The following COL19A1 variants were observed in gnomAD, a reference collection of about 807,000 sequenced individuals.
COL19A1 encodes the protein collagen type XIX alpha 1 chain.
Under a neutral mutation model 190.2 loss-of-function variants are expected in COL19A1, and 159 were observed. That is an observed-to-expected ratio of 0.84 (90% confidence interval 0.73 to 0.95). COL19A1 has a LOEUF of 0.95. Among genes scored for constraint, COL19A1 ranks in the 40% least tolerant of loss-of-function variants. The pLI, the probability that COL19A1 is intolerant of heterozygous loss-of-function variation, is 0.00. For missense variants in COL19A1, 1,418 were observed against 1,431.9 expected, an observed-to-expected ratio of 0.99 and a Z score of 0.16; for synonymous variants, 509 against 458.9, an observed-to-expected ratio of 1.11 and a Z score of -1.39.
intron 2 of COL19A1, among the ~76,000 whole-genome samples, chr6:69,888,734 C>T (rs1332303496): frequency 6.7e-6 from 1 of 149,700 alleles, no homozygotes; most frequent in South Asian, 2.1e-4. Context: ...GCTGAGATAG[C>T]GCCACTGCAC....
intron 22 of COL19A1, among the ~76,000 whole-genome samples, 197 bp from the exon 23 acceptor site, chr6:70,142,570 T>C (rs1786329620): frequency 6.6e-6 from 1 of 152,108 alleles, no homozygotes; most frequent in African/African-American, 2.4e-5. Flanking sequence ...AACACATAAA[T>C]TAAAAGTATC....
intron 7 of COL19A1, among the ~76,000 whole-genome samples, chr6:69,933,267 C>T (rs1772897158): frequency 6.6e-6 from 1 of 152,084 alleles, no homozygotes; most frequent in East Asian, 1.9e-4. Flanking sequence ...TCATCCTTAT[C>T]TTCCATTTTC....
intron 15 of COL19A1, 48 bp from the exon 16 acceptor site, chr6:70,102,121 A>G: frequency 7.2e-7 from 1 of 1,395,330 alleles, no homozygotes; most frequent in South Asian, 1.2e-5. Context: ...TGATATTAAA[A>G]TATAATGGAG....
intron 18 of COL19A1, chr6:70,131,240 C>T: frequency 8.3e-6 from 2 of 241,748 alleles, no homozygotes; most frequent in South Asian, 8.8e-5. Context: ...GGAATGTGGC[C>T]TGTGAGTGCT....
At chr6:70,165,261 C>A (rs1765077857) in intron 36 of COL19A1, among the ~76,000 whole-genome samples, 1 of 152,178 alleles carries the variant, frequency 6.6e-6, no homozygotes, top group African/African-American at 2.4e-5. Context: ...ATACATTTTT[C>A]AACTTTCAAC....
rs569671974 is a variant in COL19A1 at position 69,876,367 on chromosome 6, C to A, written c.-32-3169C>A. Among the ~76,000 whole-genome samples, 119 of 152,270 alleles carry A rather than the reference C, an allele frequency of 7.8e-4. 1 individual carries two copies. The highest frequency in any genetic ancestry group is 2.7e-3 in the African/African-American group (113 of 41,568). ...TAACAGGGACCAAAGCTTCGGTGAA[C>A]ATAAATTTCTAGGCTGCTTTGACAC... On this transcript the variant is annotated intron_variant, in intron 1 of 50. Transcript: ENST00000620364.
intron 16 of COL19A1, among the ~76,000 whole-genome samples, chr6:70,107,465 A>G (rs1435240510): frequency 5.9e-5 from 9 of 152,312 alleles, no homozygotes; most frequent in Non-Finnish European, 8.8e-5. Flanking sequence ...CACAGTGGCT[A>G]CAAGAGCCCA....
At chr6:70,057,299 C>G (rs1192217292) in intron 14 of COL19A1, among the ~76,000 whole-genome samples, 2 of 152,018 alleles carry the variant, frequency 1.3e-5, no homozygotes, top group Admixed American at 1.3e-4. Flanking sequence ...CAGACCATGA[C>G]CTACCAATTT....
intron 15 of COL19A1, among the ~76,000 whole-genome samples, chr6:70,088,876 A>C (rs1401994251): frequency 6.6e-6 from 1 of 152,166 alleles, no homozygotes; most frequent in Non-Finnish European, 1.5e-5. Context: ...CCTAAGTGGC[A>C]GTTGATTTCT....
intron 4 of COL19A1, among the ~76,000 whole-genome samples, chr6:69,925,548 A>G (rs1772315302): frequency 6.6e-6 from 1 of 152,182 alleles, no homozygotes; most frequent in African/African-American, 2.4e-5. Context: ...CTTTTGGCTT[A>G]GGATTGACTT....
At chr6:69,951,906 G>A (rs1416747891) in intron 9 of COL19A1, among the ~76,000 whole-genome samples, 2 of 151,850 alleles carry the variant, frequency 1.3e-5, no homozygotes, top group African/African-American at 2.4e-5. Context: ...CATAGCTCTT[G>A]CCCCTTTGCC....
chr6:70,182,743 G>C (rs138895135), intron 44 of COL19A1, among the ~76,000 whole-genome samples: 1 of 152,206 alleles, frequency 6.6e-6, no homozygotes, highest in Non-Finnish European at 1.5e-5. Context: ...CATCAGAAAC[G>C]TAGAGGTCAT....
intron 18 of COL19A1, among the ~76,000 whole-genome samples, chr6:70,137,150 C>G (rs576347918): frequency 1.3e-5 from 2 of 152,206 alleles, no homozygotes; most frequent in East Asian, 3.9e-4. Context: ...CTGCTGTCAC[C>G]ACATCTACAA....
At chr6:70,119,775 G>A (rs887199505) in intron 16 of COL19A1, among the ~76,000 whole-genome samples, 1 of 152,126 alleles carries the variant, frequency 6.6e-6, no homozygotes, top group Admixed American at 6.6e-5. Flanking sequence ...GTAATGCCTA[G>A]CACATAATAA....
At chr6:70,149,407 T>G (rs1786884964) in intron 27 of COL19A1, among the ~76,000 whole-genome samples, 1 of 152,110 alleles carries the variant, frequency 6.6e-6, no homozygotes, top group Admixed American at 6.6e-5. Flanking sequence ...TTCTGACAGG[T>G]GGAATTTGGA....
chr6:69,929,335 C>T (rs527517661), intron 5 of COL19A1, 90 bp from the exon 6 acceptor site: 18 of 1,260,956 alleles, frequency 1.4e-5, no homozygotes, highest in African/African-American at 3.0e-5. Flanking sequence ...CTCAGTTATA[C>T]TAATATGCAT....
At chr6:69,908,727 G>A (rs1770714368) in intron 4 of COL19A1, among the ~76,000 whole-genome samples, 1 of 152,052 alleles carries the variant, frequency 6.6e-6, no homozygotes, top group Admixed American at 6.6e-5. Context: ...TAAGTAAGTT[G>A]TGATTTTGCT....
chr6:69,880,414 A>G (rs781766561), intron 2 of COL19A1, among the ~76,000 whole-genome samples: 24 of 152,264 alleles, frequency 1.6e-4, no homozygotes, highest in Non-Finnish European at 3.4e-4. Flanking sequence ...CATCTCTCCT[A>G]TGCAAACGAT....
rs147588815 is a variant in COL19A1, at chr6:69,975,739, T to G, written c.1026+12869T>G. 5.4e-3 allele frequency among the ~76,000 whole-genome samples: 815 copies of G among 152,308 alleles called. 6 individuals are homozygous for G. The highest frequency in any genetic ancestry group is 0.01 in the Middle Eastern group (3 of 294). ...ATTTTGTAGATATGAATTCTAGGCC[T>G]TGAGTAGCTAATATAAATATTGAAT... On this transcript the variant is annotated intron_variant, in intron 11 of 50. Coordinates refer to ENST00000620364, the MANE Select transcript of COL19A1 (RefSeq NM_001858.6).
Sources: allele counts gnomAD v4.1 joint callset (sites outside exome capture counted in the v4.1 genomes callset), GRCh38; gene constraint gnomAD v4.1.1; transcripts MANE v1.5; gene names NCBI Gene and HGNC (gene_info 2026-07-23, HGNC 2026-07-21).